PARP1: variants seen among roughly 807,000 people sequenced by gnomAD.
The protein encoded by PARP1 is poly [ADP-ribose] polymerase 1.
PARP1 carries 44 observed loss-of-function variants against 118.7 expected under a neutral mutation model. That is an observed-to-expected ratio of 0.37 (90% CI 0.29 to 0.48). The LOEUF (loss-of-function observed/expected upper bound fraction) is 0.48, where lower values mean the gene tolerates loss of function less well. Among genes scored for constraint, PARP1 ranks in the 20% least tolerant of loss-of-function variants. PARP1 has a pLI of 0.99. For synonymous variants in PARP1, 492 were observed against 483.2 expected, an observed-to-expected ratio of 1.02 and a Z score of -0.24; for missense variants, 1,100 against 1,272.4, an observed-to-expected ratio of 0.86 and a Z score of 2.06.
chr1:226,407,789 C>CGCCCGCACAGCG (rs1558245493), intron 1 of PARP1, 21 bp downstream of exon 1: 1 of 1,551,974 alleles, frequency 6.4e-7, no homozygotes, highest in Non-Finnish European at 8.7e-7. Flanking sequence ...CCCGCCCCGC[C>CGCCCGCACAGCG]GCCCGCACAG....
chr1:226,370,553 C>A, intron 14 of PARP1, 36 bp from the exon 15 acceptor site: 1 of 1,539,780 alleles, frequency 6.5e-7, no homozygotes, highest in South Asian at 1.1e-5. Context: ...GAAAGCTGGG[C>A]ACTGTGCAGT....
Position 226,388,734 on chromosome 1 carries a change from CA to C in PARP1, c.638del (p.Val213GlyfsTer26), listed in dbSNP as rs753260696. 1.9e-6 allele frequency: 3 copies of C among 1,613,928 alleles called. No individual in the cohort carries two copies. The highest frequency in any genetic ancestry group is 3.3e-5 in the Admixed American group (2 of 60,020). On this transcript the variant is annotated frameshift_variant, in exon 5 of 23. Transcript: ENST00000366794. LOFTEE classifies it high-confidence loss of function. ...TCTTCGCCACTTCATCCACTCCATCCACCTCATCGCCTTTTCTCTTTCTGAA... is the reference window on the plus strand; with the variant it reads ...TCTTCGCCACTTCATCCACTCCATCCCCTCATCGCCTTTTCTCTTTCTGAA... ...KSEGKRKGDE[V>X]DGVDEVAKKK...
Position 226,385,569 on chromosome 1 carries a change from T to C in PARP1, c.946A>G (p.Thr316Ala). 1 of 1,614,140 alleles carries C rather than the reference T, an allele frequency of 6.2e-7. No individual in the cohort carries two copies. The highest frequency in any genetic ancestry group is 8.5e-7 in the Non-Finnish European group (1 of 1,180,012). The change falls in exon 7 of 23, where the codon ACT (threonine) becomes GCT (alanine). Residue 316 changes from threonine (T) to alanine (A), a missense_variant. By Grantham distance (58) the Thr-to-Ala change is moderately conservative. Transcript: ENST00000366794. ...TTGACCATACACTTGGTCCAGGCAG[T>C]GACGTCCCCAGTGCAGTAATAGGCA... ...SDAYYCTGDV[T>A]AWTKCMVKTQ...
At chr1:226,370,539 C>CTCTGAAAGCTGGGCACTGTG in intron 14 of PARP1, 22 bp from the exon 15 acceptor site, 1 of 1,594,890 alleles carries the variant, frequency 6.3e-7, no homozygotes, top group Non-Finnish European at 8.6e-7. Context: ...GGGGATTTCG[C>CTCTGAAAGCTGGGCACTGTG]TCTGAAAGCT....
intron 2 of PARP1, among the ~76,000 whole-genome samples, chr1:226,401,353 A>T (rs1665032244): frequency 6.6e-6 from 1 of 152,194 alleles, no homozygotes. Context: ...GGGCTACCCC[A>T]CAGGCACTGT....
At chr1:226,389,214 A>T (rs1664778317) in intron 4 of PARP1, among the ~76,000 whole-genome samples, 1 of 152,172 alleles carries the variant, frequency 6.6e-6, no homozygotes, top group Non-Finnish European at 1.5e-5. Context: ...TTGAGCTAAA[A>T]CACAGAGCAA....
At position 226,374,351 on chromosome 1, in the gene PARP1, C is replaced by T. The variant is rs1664449912; in HGVS notation, c.1945G>A (p.Glu649Lys). The T allele has an allele frequency of 1.2e-6, 2 of 1,614,212 alleles. No individual in the cohort carries two copies. The highest frequency in any genetic ancestry group is 4.5e-5 in the East Asian group (2 of 44,880). ...ACTGTCAGCTTCTTCACTGCCTCTT[C>T]ATCCTTCAGGAAAAAAGCACATTGC... The part of the protein sequence containing the change: ...YPLEIDYGQD[E>K]EAVKKLTVNP... The change falls in exon 14 of 23, where the codon GAA (glutamate) becomes AAA (lysine). Residue 649 changes from glutamate to lysine, a missense_variant. Physicochemically the swap from Glu to Lys is moderately conservative, Grantham distance 56. Coordinates refer to ENST00000366794, the MANE Select transcript of PARP1 (RefSeq NM_001618.4).
chr1:226,372,842 C>T (rs1196929474), intron 14 of PARP1, among the ~76,000 whole-genome samples: 1 of 152,172 alleles, frequency 6.6e-6, no homozygotes, highest in Non-Finnish European at 1.5e-5. Context: ...AAACGAGCCC[C>T]TCTTCTCCCT....
rs1665184257 is a variant in PARP1, at chr1:226,407,856, C to T, written c.74G>A (p.Ser25Asn). The change falls in exon 1 of 23, where the codon AGC becomes AAC. Residue 25 changes from serine (S) to asparagine (N), a missense_variant. This residue lies in a region of PARP1 where 948 missense variants were observed against 1,031.8 expected (regional missense o/e 0.92). Transcript: ENST00000366794. ...KSGRASCKKC[S>N]ESIPKDSLRM... ...GAGCGAGTCCTTGGGGATGCTCTCGCTGCATTTCTTGCAAGAGGCGCGCCC... is the reference window on the plus strand; with the variant it reads ...GAGCGAGTCCTTGGGGATGCTCTCGTTGCATTTCTTGCAAGAGGCGCGCCC... 6.2e-7 allele frequency: 1 copy of T among 1,606,726 alleles called. No homozygotes were observed. The highest frequency in any genetic ancestry group is 8.5e-7 in the Non-Finnish European group (1 of 1,176,878).
chr1:226,398,407 G>A (rs560142268), intron 2 of PARP1, among the ~76,000 whole-genome samples: 27 of 151,956 alleles, frequency 1.8e-4, no homozygotes, highest in Non-Finnish European at 3.1e-4. Flanking sequence ...GCCAGGCATG[G>A]TGGTGCGCAC....
At chr1:226,369,720 T>A (rs1001116810) in intron 15 of PARP1, among the ~76,000 whole-genome samples, 2 of 152,124 alleles carry the variant, frequency 1.3e-5, no homozygotes, top group African/African-American at 4.8e-5. Flanking sequence ...TTTGGGAGGC[T>A]GAGGCAGGCG....
At chr1:226,392,939 G>A (rs777297985) in intron 2 of PARP1, 17 of 1,571,994 alleles carry the variant, frequency 1.1e-5, no homozygotes, top group Middle Eastern at 1.7e-4. Flanking sequence ...ATAAGACGAA[G>A]CTATCTTCCC....
intron 7 of PARP1, among the ~76,000 whole-genome samples, chr1:226,384,890 T>C (rs1277975606): frequency 6.6e-6 from 1 of 152,222 alleles, no homozygotes; most frequent in African/African-American, 2.4e-5. Context: ...GGCAGAGCTC[T>C]GCACCTACCC....
intron 21 of PARP1, among the ~76,000 whole-genome samples, chr1:226,362,755 C>A (rs1039805467): frequency 1.3e-5 from 2 of 152,166 alleles, no homozygotes; most frequent in Non-Finnish European, 2.9e-5. Context: ...GTTACTGGTG[C>A]CTGCACCAAG....
chr1:226,402,111 A>G, intron 2 of PARP1, 103 bp downstream of exon 2: 1 of 1,604,516 alleles, frequency 6.2e-7, no homozygotes, highest in Non-Finnish European at 8.5e-7. Flanking sequence ...CACATGTGGG[A>G]GAGGGCAAGC....
At chr1:226,375,638 T>C (rs1212441358) in intron 13 of PARP1, among the ~76,000 whole-genome samples, 2 of 152,256 alleles carry the variant, frequency 1.3e-5, no homozygotes, top group Non-Finnish European at 2.9e-5. Flanking sequence ...TTCTCATTAA[T>C]AATTTTATTG....
chr1:226,367,898 G>C lies in PARP1; in HGVS notation c.2278-290C>G, dbSNP rs1007778188. 2.6e-5 allele frequency among the ~76,000 whole-genome samples: 4 copies of C among 152,290 alleles called. No individual in the cohort carries two copies. The South Asian group carries it at 8.3e-4, about 32-fold the overall frequency. ...ACAGTGAAGGTACTTTAGACAAATGGGTCCTGAGCCAGGAGCTGTCTTAAA... is the reference window on the plus strand; with the variant it reads ...ACAGTGAAGGTACTTTAGACAAATGCGTCCTGAGCCAGGAGCTGTCTTAAA... On this transcript the variant is annotated intron_variant, in intron 16 of 22. Transcript: ENST00000366794.
intron 2 of PARP1, among the ~76,000 whole-genome samples, chr1:226,395,729 T>G (rs1256572834): frequency 6.6e-6 from 1 of 152,212 alleles, no homozygotes; most frequent in South Asian, 2.1e-4. Flanking sequence ...ATTCGTGCAA[T>G]TAATGTTTAT....
chr1:226,373,577 C>A (rs1429557784), intron 14 of PARP1, among the ~76,000 whole-genome samples: 1 of 152,198 alleles, frequency 6.6e-6, no homozygotes, highest in Non-Finnish European at 1.5e-5. Context: ...GGAGCCTCTG[C>A]CTGCAGTCTC....
Sources: gnomAD v4.1 joint callset for allele counts (sites outside exome capture counted in the v4.1 genomes callset) on GRCh38, gnomAD v4.1.1 for gene constraint, gnomAD v4.1.1 regional missense constraint, MANE v1.5 for transcripts, NCBI Gene and HGNC (gene_info 2026-07-23, HGNC 2026-07-21) for gene names.